MITF: variants seen among roughly 807,000 people sequenced by gnomAD.
MITF encodes melanocyte inducing transcription factor, also known as microphthalmia-associated transcription factor.
In MITF, 17 loss-of-function variants were observed where a neutral mutation model predicts 60.5. The observed-to-expected ratio is 0.28, with a 90% CI of 0.19 to 0.42. The LOEUF (loss-of-function observed/expected upper bound fraction) is 0.42. Ranked by LOEUF, MITF falls within the 10% of genes least tolerant of loss-of-function variation. The probability of loss-of-function intolerance (pLI) is 1.00; values close to 1 mark genes in which losing one functional copy is unlikely to be tolerated. For synonymous variants in MITF, 260 were observed against 248.5 expected (o/e 1.05, Z -0.43); for missense variants, 622 against 683.5 (o/e 0.91, Z 1.00).
rs886058819 is a variant in MITF, at chr3:69,968,001, T to C, written c.*2753T>C. 1.1e-4 allele frequency: 26 copies of C among 233,464 alleles called. No individual in the cohort carries two copies. Among genetic ancestry groups the C allele is most frequent in the Middle Eastern group, 1.2e-3 (1 of 808 alleles). The allele number at this position is 233,464 out of a possible 1,614,324, so 14.5% of individuals were successfully genotyped here. A position where few individuals can be genotyped will look rare whatever the true frequency, so the allele number is the denominator to read the frequency against. On this transcript the variant is annotated 3_prime_UTR_variant, in exon 10 of 10. Coordinates refer to ENST00000352241, the MANE Select transcript of MITF (RefSeq NM_001354604.2). ...CATAGGATGACAAAATTCTTTCTGG[T>C]TGTTTTTAAACAATAAAGCAATAAG...
chr3:69,750,935 A>G (rs1277128454), intron 1 of MITF, among the ~76,000 whole-genome samples: 1 of 152,176 alleles, frequency 6.6e-6, no homozygotes, highest in Non-Finnish European at 1.5e-5. Context: ...TGGTTAAATA[A>G]CAGAAAAGTC....
At chr3:69,913,699 T>A (rs1343356003) in intron 2 of MITF, among the ~76,000 whole-genome samples, 1 of 152,272 alleles carries the variant, frequency 6.6e-6, no homozygotes, top group East Asian at 1.9e-4. Context: ...GCCAGGTAGT[T>A]CCCTGGTTGC....
rs199697494 is a variant in MITF, at chr3:69,879,170, G to A, written c.141G>A (p.Pro47=). 9 of 1,614,204 alleles carry A rather than the reference G, an allele frequency of 5.6e-6. No individual in the cohort carries two copies. In the East Asian group the frequency reaches 6.7e-5, roughly 12 times the overall value. The change falls in exon 2 of 10, where the codon CCG becomes CCA. Residue 47 remains proline (P), a synonymous_variant. Coordinates refer to ENST00000352241, the MANE Select transcript of MITF (RefSeq NM_001354604.2). ...AGCATCCTGGGGCCTCCAAGCCTCC[G>A]ATAAGCTCCTCCAGTATGACATCAC... ...SAEHPGASKP[P]ISSSSMTSRI... is the part of the protein sequence containing the mutation.
rs1037761491 is a variant in MITF, at chr3:69,750,965, G to A, written c.104+11264G>A. Among the ~76,000 whole-genome samples the A allele has an allele frequency of 3.3e-5, 5 of 152,226 alleles. No homozygotes were observed. In the East Asian group the frequency reaches 9.7e-4, roughly 29 times the overall value. Reference sequence around the variant, plus strand: ...AAAGTCTAAAGATGGGGCTAACCAGGCCTTCCATGGATAGGATTCTTGGTT... The same window carrying A: ...AAAGTCTAAAGATGGGGCTAACCAGACCTTCCATGGATAGGATTCTTGGTT... On this transcript the variant is annotated intron_variant, in intron 1 of 9. Coordinates refer to ENST00000352241, the MANE Select transcript of MITF (RefSeq NM_001354604.2).
At chr3:69,811,828 G>A (rs957039924) in intron 1 of MITF, among the ~76,000 whole-genome samples, 1 of 152,170 alleles carries the variant, frequency 6.6e-6, no homozygotes, top group Non-Finnish European at 1.5e-5. Context: ...GAATCCTAGA[G>A]TAGGTGTGTG....
chr3:69,750,725 A>G (rs756262764), intron 1 of MITF, among the ~76,000 whole-genome samples: 1 of 152,050 alleles, frequency 6.6e-6, no homozygotes, highest in African/African-American at 2.4e-5. Context: ...CATGTTTCTA[A>G]GTGATGCTGA....
At chr3:69,834,744 C>T (rs1243614604) in intron 1 of MITF, among the ~76,000 whole-genome samples, 1 of 151,812 alleles carries the variant, frequency 6.6e-6, no homozygotes, top group Non-Finnish European at 1.5e-5. Context: ...TGTGAGGAAC[C>T]TTCCTACTGT....
intron 1 of MITF, among the ~76,000 whole-genome samples, chr3:69,802,246 G>A (rs956830922): frequency 1.3e-5 from 2 of 152,062 alleles, no homozygotes; most frequent in African/African-American, 2.4e-5. Context: ...GGGTGCTGCC[G>A]AACATTCTGG....
rs193174206 is a variant in MITF, at chr3:69,767,425, A to T, written c.104+27724A>T. Reference sequence around the variant, plus strand: ...ATGATAAAACTGCATCTCTACTAAAAATACAAAAAATTAGCTAGGTGTGGT... The same window carrying T: ...ATGATAAAACTGCATCTCTACTAAATATACAAAAAATTAGCTAGGTGTGGT... On this transcript the variant is annotated intron_variant, in intron 1 of 9. Transcript: ENST00000352241. Among the ~76,000 whole-genome samples the T allele has an allele frequency of 2.1e-3, 320 of 152,172 alleles. 1 individual carries two copies. Among genetic ancestry groups the T allele is most frequent in the African/African-American group, 7.0e-3 (292 of 41,512 alleles).
rs759460006 is a variant in MITF, at chr3:69,938,059, GTCTCC to G, written c.582+22_582+26del. On this transcript the variant is annotated intron_variant, in intron 3 of 9. Transcript: ENST00000352241. ...CAACTGTGAAAAAGAGGTAATTCATGTCTCCTCTCCTCTCCTGTTTTCTTATGCTA... is the reference window on the plus strand; with the variant it reads ...CAACTGTGAAAAAGAGGTAATTCATGTCTCCTCTCCTGTTTTCTTATGCTA... 16 of 1,609,714 alleles carry G rather than the reference GTCTCC, an allele frequency of 9.9e-6. No homozygotes were observed. In the African/African-American group the frequency reaches 2.1e-4, roughly 22 times the overall value.
rs200221440 is a variant in MITF, at chr3:69,809,626, A to AT, written c.105-69491dup. The stretch of plus-strand genomic sequence containing the variant: ...GTATAAACATCAATGAACTAAGTAC[A>AT]TTTTTTTTTTTTTTTTTGGCAGAAG... On this transcript the variant is annotated intron_variant, in intron 1 of 9. Coordinates refer to ENST00000352241, the MANE Select transcript of MITF (RefSeq NM_001354604.2). Among the ~76,000 whole-genome samples the AT allele has an allele frequency of 3.9e-3, 546 of 139,518 alleles. 1 individual carries two copies. Among genetic ancestry groups the AT allele is most frequent in the South Asian group, 1.0e-2 (44 of 4,416 alleles). The allele number at this position is 139,518 out of a possible 152,430, so 91.5% of individuals were successfully genotyped here. A position where few individuals can be genotyped will look rare whatever the true frequency, so the allele number is the denominator to read the frequency against.
rs542141862 is a variant in MITF, at chr3:69,755,433, G to GTTTTTTTTTTTTTTTTTT, written c.104+15753_104+15770dup. Among the ~76,000 whole-genome samples, 4 of 35,426 alleles carry GTTTTTTTTTTTTTTTTTT rather than the reference G, an allele frequency of 1.1e-4. 2 individuals carry two copies. The highest frequency in any genetic ancestry group is 2.8e-4 in the African/African-American group (2 of 7,258). 23.2% of individuals were successfully genotyped at this position (35,426 alleles called of 152,430 possible). A position where few individuals can be genotyped will look rare whatever the true frequency, so the allele number is the denominator to read the frequency against. On this transcript the variant is annotated intron_variant, in intron 1 of 9. Transcript: ENST00000352241. ...ATCTTTGTATCTTTTACCCTTCTGGGTTTTTTTTTTTTTTTTTTTTTTTTT... is the reference window on the plus strand; with the variant it reads ...ATCTTTGTATCTTTTACCCTTCTGGGTTTTTTTTTTTTTTTTTTTTTTTTTTTTTTTTTTTTTTTTTTT...
rs1421377931 is a variant in MITF, at chr3:69,817,702, T to G, written c.105-61432T>G. Among the ~76,000 whole-genome samples the G allele has an allele frequency of 2.0e-5, 3 of 152,362 alleles. No homozygotes were observed. In the East Asian group the frequency reaches 5.8e-4, roughly 29 times the overall value. ...ATATTCCAGATAACATTTTAGAATC[T>G]GAATGGTGCATGTATGGGTATGTTA... is the stretch of plus-strand genomic sequence containing the variant. On this transcript the variant is annotated intron_variant, in intron 1 of 9. Coordinates refer to ENST00000352241, the MANE Select transcript of MITF (RefSeq NM_001354604.2).
At chr3:69,920,900 C>T (rs2065451926) in intron 2 of MITF, among the ~76,000 whole-genome samples, 1 of 152,228 alleles carries the variant, frequency 6.6e-6, no homozygotes, top group African/African-American at 2.4e-5. Flanking sequence ...CAGAGTCTCA[C>T]TCTGTTGCCC....
intron 1 of MITF, among the ~76,000 whole-genome samples, chr3:69,876,595 G>A (rs1274104378): frequency 6.6e-6 from 1 of 152,144 alleles, no homozygotes; most frequent in Non-Finnish European, 1.5e-5. Flanking sequence ...ATGGCCAAGT[G>A]CCCTTAATAT....
intron 1 of MITF, among the ~76,000 whole-genome samples, chr3:69,761,290 C>T (rs1218751510): frequency 1.3e-5 from 2 of 152,094 alleles, no homozygotes; most frequent in Non-Finnish European, 2.9e-5. Flanking sequence ...CTACCAGGTA[C>T]AGTATTTAAG....
rs113536115 is a variant in MITF at position 69,788,542 on chromosome 3, T to C, written c.104+48841T>C. Among the ~76,000 whole-genome samples, 650 of 152,276 alleles carry C rather than the reference T, an allele frequency of 4.3e-3. 6 individuals are homozygous for C. The highest frequency in any genetic ancestry group is 0.014 in the African/African-American group (601 of 41,564). ...AGTTAGTGCTTCTGTATACTACTAG[T>C]GGTAGAAGATTGAAAGAGAACCCTT... On this transcript the variant is annotated intron_variant, in intron 1 of 9. Transcript: ENST00000352241.
chr3:69,796,056 A>G (rs1317748582), intron 1 of MITF, among the ~76,000 whole-genome samples: 2 of 152,160 alleles, frequency 1.3e-5, no homozygotes, highest in South Asian at 4.2e-4. Flanking sequence ...ATCTTGACTC[A>G]CTGCAGCCGC....
intron 1 of MITF, among the ~76,000 whole-genome samples, chr3:69,843,729 C>T (rs766144505): frequency 2.0e-4 from 30 of 152,092 alleles, no homozygotes; most frequent in Non-Finnish European, 3.8e-4. Flanking sequence ...TTCTTTGACC[C>T]ATACCGTTTT....
Sources: allele counts gnomAD v4.1 joint callset (sites outside exome capture counted in the v4.1 genomes callset), GRCh38; gene constraint gnomAD v4.1.1; transcripts MANE v1.5; gene names NCBI Gene and HGNC (gene_info 2026-07-23, HGNC 2026-07-21).